The following DAGLA variants were observed in gnomAD, a reference collection of about 807,000 sequenced individuals.
DAGLA encodes diacylglycerol lipase alpha.
In DAGLA, 22 loss-of-function variants were observed where a neutral mutation model predicts 102.6. That is an observed-to-expected ratio of 0.21 (90% CI 0.15 to 0.31). DAGLA has a LOEUF of 0.31. Among genes scored for constraint, DAGLA ranks in the 10% least tolerant of loss-of-function variants. DAGLA has a pLI of 1.00. For synonymous variants in DAGLA, 578 were observed against 628.9 expected, an observed-to-expected ratio of 0.92 and a Z score of 1.21; for missense variants, 927 against 1,446.6, an observed-to-expected ratio of 0.64 and a Z score of 5.83.
intron 1 of DAGLA, among the ~76,000 whole-genome samples, chr11:61,708,159 C>G (rs910004196): frequency 2.6e-5 from 4 of 152,274 alleles, no homozygotes; most frequent in South Asian, 2.1e-4. Flanking sequence ...AGGTGCCCCC[C>G]ACCATGCCTG....
chr11:61,714,318 G>A (rs1252117887), intron 1 of DAGLA, among the ~76,000 whole-genome samples: 2 of 152,332 alleles, frequency 1.3e-5, no homozygotes, highest in Admixed American at 1.3e-4. Flanking sequence ...TGGGGGCCCA[G>A]GGAAGGTGGC....
Position 61,735,018 on chromosome 11 carries a change from G to C in DAGLA, c.1128+16G>C, listed in dbSNP as rs1253614857. The C allele has an allele frequency of 6.2e-7, 1 of 1,609,478 alleles. No individual in the cohort carries two copies. The highest frequency in any genetic ancestry group is 8.5e-7 in the Non-Finnish European group (1 of 1,176,756). On this transcript the variant is annotated intron_variant, in intron 10 of 19. Coordinates refer to ENST00000257215, the MANE Select transcript of DAGLA (RefSeq NM_006133.3). ...CCATGATGCGGTGAGGCCGGGCAGGGCTGGGGCCTGGTGTCAGGAGCAGGC... is the reference window on the plus strand; with the variant it reads ...CCATGATGCGGTGAGGCCGGGCAGGCCTGGGGCCTGGTGTCAGGAGCAGGC...
Position 61,744,086 on chromosome 11 carries a change from A to G in DAGLA, c.2726A>G (p.Gln909Arg), listed in dbSNP as rs879103296. Reference protein sequence around the residue: ...NGRLGDSPSPQVLEFAEFIDS... With the variant: ...NGRLGDSPSPRVLEFAEFIDS... ...CGCCTGGGGGACTCGCCCAGTCCTC[A>G]GGTGCTGGAATTCGCCGAGTTCATC... is the stretch of plus-strand genomic sequence containing the variant. The change falls in exon 20 of 20, where the codon CAG becomes CGG. Residue 909 changes from glutamine (Q) to arginine (R), a missense_variant. Physicochemically the swap from Gln to Arg is conservative, Grantham distance 43. Around this residue, in one of 4 missense-constraint regions of DAGLA, gnomAD observed 434 missense variants for 503.3 expected, o/e 0.86. Transcript: ENST00000257215. 1 of 1,612,892 alleles carries G rather than the reference A, an allele frequency of 6.2e-7. No homozygotes were observed. Among genetic ancestry groups the G allele is most frequent in the Non-Finnish European group, 8.5e-7 (1 of 1,179,966 alleles).
intron 2 of DAGLA, among the ~76,000 whole-genome samples, 194 bp from the exon 3 acceptor site, chr11:61,720,484 CT>C (rs2065272611): frequency 6.6e-6 from 1 of 152,202 alleles, no homozygotes; most frequent in African/African-American, 2.4e-5. Context: ...CTCCCCATGG[CT>C]GACCCTGAGT....
At chr11:61,735,688 C>T in intron 11 of DAGLA, 44 bp downstream of exon 11, 1 of 1,612,808 alleles carries the variant, frequency 6.2e-7, no homozygotes, top group Non-Finnish European at 8.5e-7. Flanking sequence ...GCCTGCCTCC[C>T]TCTTCCTGTC....
intron 13 of DAGLA, among the ~76,000 whole-genome samples, chr11:61,736,923 G>T (rs981062358): frequency 6.6e-5 from 10 of 152,250 alleles, no homozygotes; most frequent in African/African-American, 2.4e-4. Flanking sequence ...GCCACTCCTG[G>T]AAAATCAGAA....
chr11:61,742,308 G>A (rs1451023693), intron 19 of DAGLA, among the ~76,000 whole-genome samples: 3 of 152,186 alleles, frequency 2.0e-5, no homozygotes, highest in Non-Finnish European at 4.4e-5. Context: ...AGGCTCTTAA[G>A]TGGTAGTCCT....
intron 4 of DAGLA, among the ~76,000 whole-genome samples, 194 bp downstream of exon 4, chr11:61,723,154 C>G (rs1402315554): frequency 6.6e-6 from 1 of 152,186 alleles, no homozygotes; most frequent in Non-Finnish European, 1.5e-5. Flanking sequence ...TGGGCTGCAG[C>G]AGGCACAGAG....
intron 1 of DAGLA, among the ~76,000 whole-genome samples, chr11:61,692,792 G>A (rs759928867): frequency 6.6e-6 from 1 of 151,776 alleles, no homozygotes; most frequent in African/African-American, 2.4e-5. Flanking sequence ...ATGAACTTCC[G>A]TACATCTTGT....
intron 1 of DAGLA, among the ~76,000 whole-genome samples, chr11:61,706,191 C>T (rs140419399): frequency 3.3e-4 from 51 of 152,332 alleles, no homozygotes; most frequent in East Asian, 1.2e-3. Context: ...CGAGGACAAC[C>T]GTAGGACTGA....
rs1424416694 is a variant in DAGLA, at chr11:61,693,365, T to C, written c.-45+12861T>C. ...TTTTCTTTTTCTTTCTTTTTTTTTT[T>C]TGACATGGAGTCTTACTCTGTTGTC... On this transcript the variant is annotated intron_variant, in intron 1 of 19. Coordinates refer to ENST00000257215, the MANE Select transcript of DAGLA (RefSeq NM_006133.3). Among the ~76,000 whole-genome samples the C allele has an allele frequency of 3.3e-5, 5 of 150,836 alleles. No individual in the cohort carries two copies. In the East Asian group the frequency reaches 9.8e-4, roughly 30 times the overall value.
In DAGLA at chr11:61,710,988, G is replaced by C. The variant is rs556896951; in HGVS notation, c.-44-9124G>C. ...AGTGATGGAACTAAGATTCAAATTCGGGCTGCCCTGCTCTGGGGCCAGAAG... is the reference window on the plus strand; with the variant it reads ...AGTGATGGAACTAAGATTCAAATTCCGGCTGCCCTGCTCTGGGGCCAGAAG... On this transcript the variant is annotated intron_variant, in intron 1 of 19. Coordinates refer to ENST00000257215, the MANE Select transcript of DAGLA (RefSeq NM_006133.3). Among the ~76,000 whole-genome samples the C allele has an allele frequency of 4.6e-5, 7 of 152,256 alleles. No homozygotes were observed. In the East Asian group the frequency reaches 1.3e-3, roughly 29 times the overall value.
intron 1 of DAGLA, among the ~76,000 whole-genome samples, chr11:61,694,297 A>G (rs2065046910): frequency 6.6e-6 from 1 of 152,202 alleles, no homozygotes; most frequent in African/African-American, 2.4e-5. Flanking sequence ...CTGCCCAAGA[A>G]GACCTCACCT....
intron 1 of DAGLA, among the ~76,000 whole-genome samples, chr11:61,713,141 A>G (rs963645639): frequency 2.0e-5 from 3 of 152,166 alleles, no homozygotes; most frequent in African/African-American, 2.4e-5. Flanking sequence ...GTCCCGTGCT[A>G]TCCCACATGA....
chr11:61,735,173 C>A (rs2135598771), intron 10 of DAGLA, among the ~76,000 whole-genome samples, 171 bp downstream of exon 10: 1 of 152,328 alleles, frequency 6.6e-6, no homozygotes, highest in South Asian at 2.1e-4. Flanking sequence ...TTCTCTTCCC[C>A]AGACCCTGGC....
chr11:61,738,282 G>A (rs896958842), intron 16 of DAGLA, 75 bp downstream of exon 16: 3 of 1,301,338 alleles, frequency 2.3e-6, no homozygotes, highest in Non-Finnish European at 3.2e-6. Flanking sequence ...CGGTTTCTTG[G>A]GACAAAGCAC....
At chr11:61,694,559 A>C (rs1188882216) in intron 1 of DAGLA, among the ~76,000 whole-genome samples, 2 of 152,152 alleles carry the variant, frequency 1.3e-5, no homozygotes, top group Non-Finnish European at 1.5e-5. Flanking sequence ...GCTGCCTGTC[A>C]GTTGTCAGGT....
At chr11:61,708,762 T>A (rs1488825254) in intron 1 of DAGLA, among the ~76,000 whole-genome samples, 3 of 152,152 alleles carry the variant, frequency 2.0e-5, no homozygotes, top group African/African-American at 2.4e-5. Flanking sequence ...TCATCCTATT[T>A]TATAGACGAG....
In DAGLA at chr11:61,741,149, G is replaced by T. The variant is rs746537380; in HGVS notation, c.1984-13G>T. On this transcript the variant is annotated splice_polypyrimidine_tract_variant and intron_variant, in intron 18 of 19. Coordinates refer to ENST00000257215, the MANE Select transcript of DAGLA (RefSeq NM_006133.3). ...CCCTCCACCACCCCCAGCCTCCTCT[G>T]TCCTGTCCTCAGGTGCTGGAGAACT... The T allele has an allele frequency of 7.5e-6, 12 of 1,608,210 alleles. No individual in the cohort carries two copies. The highest frequency in any genetic ancestry group is 1.3e-5 in the African/African-American group (1 of 74,896).
Sources: allele counts gnomAD v4.1 joint callset (sites outside exome capture counted in the v4.1 genomes callset), GRCh38; gene constraint gnomAD v4.1.1; regional missense constraint gnomAD v4.1.1; transcripts MANE v1.5; gene names NCBI Gene and HGNC (gene_info 2026-07-23, HGNC 2026-07-21).